The following CFAP144 variants were observed in gnomAD, a reference collection of about 807,000 sequenced individuals.
CFAP144 encodes the protein cilia- and flagella-associated protein 144.
At chr1:43,144,277 C>A in the CFAP144 span, among the ~76,000 whole-genome samples, 329 of 152,262 alleles carry the variant, frequency 2.2e-3, 5 homozygotes, top group Admixed American at 0.018. Context: ...GGTGCCATTT[C>A]CCTGATTGGT....
chr1:43,146,275 C>T, the CFAP144 span, among the ~76,000 whole-genome samples: 1 of 152,122 alleles, frequency 6.6e-6, no homozygotes, highest in Non-Finnish European at 1.5e-5. Context: ...AACGTTGAAT[C>T]ATTGACAAAT....
At chr1:43,145,675 A>G in the CFAP144 span, among the ~76,000 whole-genome samples, 27 of 152,234 alleles carry the variant, frequency 1.8e-4, no homozygotes, top group African/African-American at 5.3e-4. Context: ...GCTCTCCTCA[A>G]ACTGAGGTCT....
the CFAP144 span, chr1:43,152,737 T>C: frequency 1.5e-6 from 2 of 1,375,890 alleles, no homozygotes; most frequent in African/African-American, 1.4e-5. Context: ...ATGCTCTGCC[T>C]GAAAGGAACA....
chr1:43,155,457 T>C, the CFAP144 span, among the ~76,000 whole-genome samples: 1 of 152,208 alleles, frequency 6.6e-6, no homozygotes, highest in Admixed American at 6.5e-5. Context: ...TGCATGTGTC[T>C]CCAGATCAGT....
At chr1:43,144,690 C>T in the CFAP144 span, among the ~76,000 whole-genome samples, 1 of 152,162 alleles carries the variant, frequency 6.6e-6, no homozygotes, top group Non-Finnish European at 1.5e-5. Flanking sequence ...CTGCCCAGCT[C>T]TTCCTCTGTG....
chr1:43,145,179 G>A, the CFAP144 span: 49 of 1,270,690 alleles, frequency 3.9e-5, no homozygotes, highest in African/African-American at 3.5e-4. Flanking sequence ...GGTTCTCTAC[G>A]TTTGAGACTG....
chr1:43,154,215 A>C, the CFAP144 span, among the ~76,000 whole-genome samples: 1 of 120,902 alleles, frequency 8.3e-6, no homozygotes, highest in Admixed American at 7.6e-5. Flanking sequence ...TATATAAATT[A>C]TTATATAAAT....
At chr1:43,148,096 G>T in the CFAP144 span, 1 of 1,610,656 alleles carries the variant, frequency 6.2e-7, no homozygotes, top group African/African-American at 1.3e-5. Context: ...TGAGAGGCAC[G>T]GCGGGGTGGG....
chr1:43,156,249 T>C, the CFAP144 span: 17 of 1,613,978 alleles, frequency 1.1e-5, no homozygotes, highest in African/African-American at 1.3e-5. Context: ...CACTTCAGGG[T>C]CTGCAGTGAC....
the CFAP144 span, among the ~76,000 whole-genome samples, chr1:43,152,194 G>A: frequency 3.9e-5 from 6 of 152,142 alleles, no homozygotes; most frequent in Non-Finnish European, 5.9e-5. Flanking sequence ...GTGGAGACTC[G>A]ATAGGGCAGA....
the CFAP144 span, chr1:43,145,354 A>G: frequency 6.1e-6 from 8 of 1,315,650 alleles, no homozygotes; most frequent in Admixed American, 1.2e-4. Flanking sequence ...AGAATCACAC[A>G]TAGGGCACAA....
chr1:43,147,769 C>T, the CFAP144 span: 296 of 1,447,814 alleles, frequency 2.0e-4, no homozygotes, highest in Non-Finnish European at 2.5e-4. Context: ...GACCGGCGGG[C>T]GCGGGGCGGG....
the CFAP144 span, among the ~76,000 whole-genome samples, chr1:43,150,981 C>T: frequency 2.0e-5 from 3 of 152,076 alleles, no homozygotes; most frequent in Non-Finnish European, 4.4e-5. Context: ...AAGACGGATA[C>T]TCAGACAGTC....
chr1:43,151,974 G>A, the CFAP144 span, among the ~76,000 whole-genome samples: 4 of 152,146 alleles, frequency 2.6e-5, no homozygotes, highest in Non-Finnish European at 4.4e-5. Flanking sequence ...TTAGCTGCTC[G>A]CTCTCTTATA....
chr1:43,150,708 C>G, the CFAP144 span: 1 of 1,490,354 alleles, frequency 6.7e-7, no homozygotes. Flanking sequence ...TTAGAGAGGG[C>G]AGGGAACTCA....
chr1:43,151,614 C>T, the CFAP144 span, among the ~76,000 whole-genome samples: 1 of 152,082 alleles, frequency 6.6e-6, no homozygotes, highest in Non-Finnish European at 1.5e-5. Flanking sequence ...TTTGGCATGG[C>T]CACAACATAC....
the CFAP144 span, among the ~76,000 whole-genome samples, chr1:43,150,444 G>A: frequency 2.0e-5 from 3 of 152,174 alleles, no homozygotes; most frequent in Non-Finnish European, 2.9e-5. Context: ...GCCATTAACC[G>A]CCTGCAGCTA....
the CFAP144 span, among the ~76,000 whole-genome samples, chr1:43,151,788 C>T: frequency 7.9e-5 from 12 of 152,192 alleles, no homozygotes; most frequent in South Asian, 2.1e-4. Context: ...AGCAGAGGCT[C>T]TCAGAGCATT....
chr1:43,153,104 G>A, the CFAP144 span: 1 of 750,396 alleles, frequency 1.3e-6, no homozygotes, highest in East Asian at 2.8e-5. Context: ...GTAAAATGGA[G>A]CTAATACAGT....
Sources: gnomAD v4.1 joint callset for allele counts (sites outside exome capture counted in the v4.1 genomes callset) on GRCh38, gnomAD v4.1.1 for gene constraint, MANE v1.5 for transcripts, NCBI Gene and HGNC (gene_info 2026-07-23, HGNC 2026-07-21) for gene names.